Variants in BAHD1 observed in about 807,000 individuals in gnomAD.
The protein encoded by BAHD1 is bromo adjacent homology domain-containing 1 protein.
A neutral mutation model predicts 63.1 loss-of-function variants in BAHD1; 20 were observed. That is an observed-to-expected ratio of 0.32 (90% CI 0.22 to 0.46). The LOEUF (loss-of-function observed/expected upper bound fraction) is 0.46, where lower values mean the gene tolerates loss of function less well. Ranked by LOEUF, BAHD1 falls within the 20% of genes least tolerant of loss-of-function variation. The pLI is 1.00. For missense variants in BAHD1, 939 were observed against 1,071.8 expected, an observed-to-expected ratio of 0.88 and a Z score of 1.73; for synonymous variants, 408 against 426.8, an observed-to-expected ratio of 0.96 and a Z score of 0.54.
chr15:40,460,474 GGT>G (rs1894006545), intron 2 of BAHD1, among the ~76,000 whole-genome samples: 2 of 152,136 alleles, frequency 1.3e-5, no homozygotes, highest in African/African-American at 4.8e-5. Context: ...CACTTTGCTG[GGT>G]GTGGATAGAG....
At chr15:40,437,938 C>T (rs1212365715), upstream of BAHD1, among the ~76,000 whole-genome samples, 1 of 152,192 alleles carries the variant, frequency 6.6e-6, no homozygotes, top group Non-Finnish European at 1.5e-5. Flanking sequence ...TAGGGCATCT[C>T]CCTCTGAGGC....
intron 3 of BAHD1, among the ~76,000 whole-genome samples, 177 bp downstream of exon 3, chr15:40,462,471 G>C (rs1229033053): frequency 6.6e-6 from 1 of 151,902 alleles, no homozygotes; most frequent in African/African-American, 2.4e-5. Flanking sequence ...TGCTTCCCTA[G>C]CCCCCTACTG....
At chr15:40,461,890 G>C (rs1159294517) in intron 2 of BAHD1, 22 bp from the exon 3 acceptor site, 1 of 1,570,150 alleles carries the variant, frequency 6.4e-7, no homozygotes, top group African/African-American at 1.3e-5. Flanking sequence ...GTCCTGTCCT[G>C]ACCACTCTCT....
intron 1 of BAHD1, among the ~76,000 whole-genome samples, chr15:40,446,046 G>A (rs1244422026): frequency 6.6e-6 from 1 of 152,332 alleles, no homozygotes; most frequent in South Asian, 2.1e-4. Context: ...GTCTGGAGAT[G>A]GTGTAGCTCC....
At position 40,467,167 on chromosome 15, in the gene BAHD1, C is replaced by T. The variant is rs988153765; in HGVS notation, c.*1037C>T. 1 of 152,750 alleles carries T rather than the reference C, an allele frequency of 6.5e-6. No individual in the cohort carries two copies. The highest frequency in any genetic ancestry group is 1.5e-5 in the Non-Finnish European group (1 of 68,116). 9.5% of individuals were successfully genotyped at this position (152,750 alleles called of 1,614,324 possible). ...GTCCACGGACCTGCTGAGCTGCAGC[C>T]ACTTGCTCTAGGAGCTAAGGACTTG... On this transcript the variant is annotated 3_prime_UTR_variant, in exon 7 of 7. Transcript: ENST00000416165.
In BAHD1 at chr15:40,462,162, C is replaced by G; in HGVS notation, c.1683C>G (p.Ser561Arg). The G allele has an allele frequency of 6.2e-7, 1 of 1,612,076 alleles. No homozygotes were observed. Among genetic ancestry groups the G allele is most frequent in the African/African-American group, 1.3e-5 (1 of 75,072 alleles). ...CCAGCTGCAGGCACACTGCAAGGAG[C>G]AAGGCTGCCCGCAGGCCTAGCCACC... Reference protein sequence around the residue: ...TGSSCRHTARSKAARRPSHPK... With the variant: ...TGSSCRHTARRKAARRPSHPK... The change falls in exon 3 of 7, where the codon AGC (serine) becomes AGG (arginine). Residue 561 changes from serine to arginine, a missense_variant. Coordinates refer to ENST00000416165, the MANE Select transcript of BAHD1 (RefSeq NM_014952.5).
Position 40,464,863 on chromosome 15 carries a change from T to C in BAHD1, c.2052+316T>C, listed in dbSNP as rs963814394. Reference sequence around the variant, plus strand: ...ACAGGAAAGGTGAGGTGGAGCTGCATACCTGGTCACTTTTGGTATTTTCTG... The same window carrying C: ...ACAGGAAAGGTGAGGTGGAGCTGCACACCTGGTCACTTTTGGTATTTTCTG... On this transcript the variant is annotated intron_variant, in intron 5 of 6. Transcript: ENST00000416165. The C allele has an allele frequency of 1.2e-5, 5 of 431,244 alleles. No homozygotes were observed. The East Asian group carries it at 2.2e-4, about 19-fold the overall frequency. The allele number at this position is 431,244 out of a possible 1,614,324, so 26.7% of individuals were successfully genotyped here. A position where few individuals can be genotyped will look rare whatever the true frequency, so the allele number is the denominator to read the frequency against.
Position 40,459,882 on chromosome 15 carries a change from T to C in BAHD1, c.1418T>C (p.Met473Thr). The C allele has an allele frequency of 6.3e-7, 1 of 1,587,178 alleles. No homozygotes were observed. Among genetic ancestry groups the C allele is most frequent in the South Asian group, 1.1e-5 (1 of 88,520 alleles). ...GTTCGGCPYK[M>T]PFAAEGCRSL... ...ACCTGTGGCGGCTGCCCATACAAAA[T>C]GCCTTTTGCAGCAGGTGAGGCTTCC... The change falls in exon 2 of 7, where the codon ATG becomes ACG. Residue 473 changes from methionine (M) to threonine (T), a missense_variant. Transcript: ENST00000416165.
intron 4 of BAHD1, 76 bp downstream of exon 4, chr15:40,464,096 C>G (rs761932531): frequency 6.5e-7 from 1 of 1,531,992 alleles, no homozygotes; most frequent in Non-Finnish European, 8.9e-7. Flanking sequence ...TGGCCCCTGC[C>G]TGGAGTTTGA....
chr15:40,465,376 G>C lies in BAHD1; in HGVS notation c.2094G>C (p.Gln698His). The C allele has an allele frequency of 6.2e-7, 1 of 1,614,186 alleles. No homozygotes were observed. Among genetic ancestry groups the C allele is most frequent in the Non-Finnish European group, 8.5e-7 (1 of 1,180,028 alleles). Reference protein sequence around the residue: ...NEVFASRHQDQNSVACIEEKC... With the variant: ...NEVFASRHQDHNSVACIEEKC... ...TGTTTGCATCGCGACATCAGGACCA[G>C]AACAGTGTGGCCTGCATTGAGGAGA... is the stretch of plus-strand genomic sequence containing the variant. Residue 698 changes from glutamine (Q) to histidine (H), a missense_variant, in exon 6 of 7, where the codon CAG becomes CAC. By Grantham distance (24) the Gln-to-His change is conservative. This residue lies in a region of BAHD1 where 31 missense variants were observed against 68.1 expected (regional missense o/e 0.46). Coordinates refer to ENST00000416165, the MANE Select transcript of BAHD1 (RefSeq NM_014952.5).
intron 2 of BAHD1, among the ~76,000 whole-genome samples, chr15:40,461,652 A>AT (rs1380271910): frequency 6.6e-6 from 1 of 151,972 alleles, no homozygotes; most frequent in Non-Finnish European, 1.5e-5. Context: ...AAAAAAAAAA[A>AT]GTTCGGAGTT....
intron 1 of BAHD1, among the ~76,000 whole-genome samples, chr15:40,453,084 C>T (rs888691982): frequency 1.3e-5 from 2 of 152,144 alleles, no homozygotes; most frequent in Admixed American, 6.5e-5. Flanking sequence ...CCTCCTCTGT[C>T]GGGTTGGAAG....
In BAHD1 at chr15:40,441,002, C is replaced by T. The variant is rs1004945953; in HGVS notation, c.-281C>T. ...GCGTAGCGGATCCCGGAGCCCGGCCCCCGCCGCCCGCCCGTCCGGCTGCCT... is the reference window on the plus strand; with the variant it reads ...GCGTAGCGGATCCCGGAGCCCGGCCTCCGCCGCCCGCCCGTCCGGCTGCCT... On this transcript the variant is annotated 5_prime_UTR_variant, in exon 1 of 7. Coordinates refer to ENST00000416165, the MANE Select transcript of BAHD1 (RefSeq NM_014952.5). Among the ~76,000 whole-genome samples the T allele has an allele frequency of 6.7e-6, 1 of 149,424 alleles. No individual in the cohort carries two copies. The highest frequency in any genetic ancestry group is 2.4e-5 in the African/African-American group (1 of 41,126).
intron 1 of BAHD1, among the ~76,000 whole-genome samples, chr15:40,446,598 C>G (rs1893546917): frequency 6.6e-6 from 1 of 152,228 alleles, no homozygotes; most frequent in African/African-American, 2.4e-5. Context: ...GGGTTTGTCT[C>G]TCAGCCTCGC....
chr15:40,465,473 C>T (rs773639115), intron 6 of BAHD1, 38 bp downstream of exon 6: 8 of 1,516,352 alleles, frequency 5.3e-6, no homozygotes, highest in Non-Finnish European at 7.3e-6. Flanking sequence ...GGCCTCTTCC[C>T]TCAGGCTCCC....
intron 2 of BAHD1, among the ~76,000 whole-genome samples, chr15:40,460,809 C>T (rs772697404): frequency 6.6e-6 from 1 of 152,174 alleles, no homozygotes; most frequent in Non-Finnish European, 1.5e-5. Context: ...GTCTATAAAA[C>T]AACTTTATAG....
chr15:40,445,850 G>A (rs192982081), intron 1 of BAHD1, among the ~76,000 whole-genome samples: 1 of 152,348 alleles, frequency 6.6e-6, no homozygotes, highest in Admixed American at 6.5e-5. Flanking sequence ...TGGGGACTTT[G>A]GAGGGACAAG....
At chr15:40,448,578 C>T (rs986711670) in intron 1 of BAHD1, among the ~76,000 whole-genome samples, 3 of 152,090 alleles carry the variant, frequency 2.0e-5, no homozygotes, top group Non-Finnish European at 2.9e-5. Flanking sequence ...GCTCTGTCAC[C>T]GAGTCCAGAG....
At chr15:40,451,145 CAAAAAAAAA>C (rs397827665) in intron 1 of BAHD1, among the ~76,000 whole-genome samples, 4 of 30,626 alleles carry the variant, frequency 1.3e-4, no homozygotes, top group Non-Finnish European at 2.5e-4. Flanking sequence ...AACTCCATCT[CAAAAAAAAA>C]AAAAAAAAAA....
Sources: allele counts gnomAD v4.1 joint callset (sites outside exome capture counted in the v4.1 genomes callset), GRCh38; gene constraint gnomAD v4.1.1; regional missense constraint gnomAD v4.1.1; transcripts MANE v1.5; gene names NCBI Gene and HGNC (gene_info 2026-07-23, HGNC 2026-07-21).